The following CFAP54 variants were observed in gnomAD, a reference collection of about 807,000 sequenced individuals.
CFAP54 encodes cilia and flagella associated protein 54, also known as cilia- and flagella-associated protein 54.
A neutral mutation model predicts 370.4 loss-of-function variants in CFAP54; 290 were observed. The ratio of observed to expected loss-of-function variants is 0.78; its 90% confidence interval spans 0.71 to 0.86. The LOEUF is 0.86. Ranked by LOEUF, CFAP54 falls within the 40% of genes least tolerant of loss-of-function variation. The probability of loss-of-function intolerance (pLI) is 0.00; values close to 1 mark genes in which losing one functional copy is unlikely to be tolerated. For missense variants in CFAP54, 3,399 were observed against 3,528.7 expected (o/e 0.96, Z 0.93); for synonymous variants, 1,206 against 1,236.5 (o/e 0.98, Z 0.52).
At chr12:96,744,860 C>A (rs182573846) in intron 55 of CFAP54, among the ~76,000 whole-genome samples, 44 of 152,222 alleles carry the variant, frequency 2.9e-4, no homozygotes, top group African/African-American at 8.9e-4. Context: ...TGCTCTACCC[C>A]CCAGTAGGTC....
chr12:96,733,354 A>C (rs1049534449), intron 50 of CFAP54, among the ~76,000 whole-genome samples: 3 of 152,152 alleles, frequency 2.0e-5, no homozygotes, highest in Admixed American at 6.5e-5. Flanking sequence ...GATACTTCTA[A>C]TAAAATTATG....
chr12:96,626,881 G>T lies in CFAP54; in HGVS notation c.4045G>T (p.Glu1349Ter). Residue 1349 changes from glutamate (E) to a stop codon, truncating the protein, a stop_gained, in exon 30 of 68, where the codon GAG (glutamate) becomes TAG (stop). Coordinates refer to ENST00000524981, the MANE Select transcript of CFAP54 (RefSeq NM_001306084.2). LOFTEE classifies it high-confidence loss of function. ...FTQVMLKCMN[E>*]EKFHLMVEVT... is the part of the protein sequence containing the mutation. ...ACAAGTTATGCTAAAATGCATGAAT[G>T]AGGAAAAATTTCATCTTATGGTAGA... The T allele has an allele frequency of 7.0e-7, 1 of 1,432,230 alleles. No homozygotes were observed. Among genetic ancestry groups the T allele is most frequent in the South Asian group, 1.5e-5 (1 of 67,188 alleles). 88.7% of individuals were successfully genotyped at this position (1,432,230 alleles called of 1,614,324 possible). A position where few individuals can be genotyped will look rare whatever the true frequency, so the allele number is the denominator to read the frequency against.
chr12:96,743,513 G>A lies in CFAP54; in HGVS notation c.7331G>A (p.Gly2444Asp). 6.2e-7 allele frequency: 1 copy of A among 1,614,054 alleles called. No individual in the cohort carries two copies. The highest frequency in any genetic ancestry group is 8.5e-7 in the Non-Finnish European group (1 of 1,179,982). Residue 2444 changes from glycine (G) to aspartate (D), a missense_variant, in exon 53 of 68, where the codon GGC becomes GAC. Coordinates refer to ENST00000524981, the MANE Select transcript of CFAP54 (RefSeq NM_001306084.2). ...TTCTTGACGCAAGCTGTAATTCTTGGCCTACAAGAAAAGCATTTAAAGGCA... is the reference window on the plus strand; with the variant it reads ...TTCTTGACGCAAGCTGTAATTCTTGACCTACAAGAAAAGCATTTAAAGGCA... Reference protein sequence around the residue: ...AEFLTQAVILGLQEKHLKADI... With the variant: ...AEFLTQAVILDLQEKHLKADI...
chr12:96,608,709 G>A (rs538897983), intron 26 of CFAP54, among the ~76,000 whole-genome samples: 13 of 151,908 alleles, frequency 8.6e-5, no homozygotes, highest in African/African-American at 2.2e-4. Flanking sequence ...TCATTCACCC[G>A]CCACACCCTC....
chr12:96,524,935 C>T (rs922812606), intron 8 of CFAP54, among the ~76,000 whole-genome samples: 4 of 152,068 alleles, frequency 2.6e-5, no homozygotes, highest in Non-Finnish European at 5.9e-5. Flanking sequence ...TAAGTATTGA[C>T]ATCATCCACA....
chr12:96,528,230 G>GTT (rs149873147), intron 9 of CFAP54, among the ~76,000 whole-genome samples: 7 of 150,224 alleles, frequency 4.7e-5, no homozygotes, highest in African/African-American at 7.3e-5. Context: ...TTTGCTAAGT[G>GTT]TTTTTTTTTG....
At chr12:96,743,980 G>A (rs755819773) in intron 54 of CFAP54, 40 bp from the exon 55 acceptor site, 24 of 1,602,120 alleles carry the variant, frequency 1.5e-5, no homozygotes, top group African/African-American at 5.4e-5. Flanking sequence ...TCCAAACCAC[G>A]TCAACTAATT....
At chr12:96,637,797 T>C (rs1427829109) in intron 32 of CFAP54, among the ~76,000 whole-genome samples, 2 of 152,214 alleles carry the variant, frequency 1.3e-5, no homozygotes, top group Non-Finnish European at 2.9e-5. Flanking sequence ...GCATAACATT[T>C]TGATCAATGA....
intron 30 of CFAP54, among the ~76,000 whole-genome samples, chr12:96,629,271 A>G (rs567991411): frequency 8.5e-5 from 13 of 152,198 alleles, no homozygotes; most frequent in African/African-American, 2.9e-4. Flanking sequence ...TATAATATAC[A>G]ACATATTCTC....
At chr12:96,529,257 A>T (rs1955415274) in intron 9 of CFAP54, among the ~76,000 whole-genome samples, 1 of 152,272 alleles carries the variant, frequency 6.6e-6, no homozygotes, top group Admixed American at 6.5e-5. Flanking sequence ...CTTTATATAT[A>T]TGTTGATTAA....
chr12:96,826,404 A>T (rs1959103391), intron 65 of CFAP54, among the ~76,000 whole-genome samples: 1 of 131,606 alleles, frequency 7.6e-6, no homozygotes, highest in Non-Finnish European at 1.6e-5. Context: ...TATATTCAAT[A>T]TATATAACAA....
At chr12:96,576,477 A>T in intron 19 of CFAP54, 108 bp from the exon 20 acceptor site, 4 of 896,458 alleles carry the variant, frequency 4.5e-6, no homozygotes, top group Non-Finnish European at 6.4e-6. Context: ...GAGGCTTGAA[A>T]AACTGCATAT....
chr12:96,802,586 G>A (rs1958831793), intron 63 of CFAP54, among the ~76,000 whole-genome samples: 1 of 152,042 alleles, frequency 6.6e-6, no homozygotes, highest in African/African-American at 2.4e-5. Flanking sequence ...AGCTGCCTAG[G>A]GGCTTGAGAA....
rs1467459800 is a variant in CFAP54 at position 96,594,405 on chromosome 12, C to G, written c.3475C>G (p.Pro1159Ala). 3 of 1,533,632 alleles carry G rather than the reference C, an allele frequency of 2.0e-6. No individual in the cohort carries two copies. The highest frequency in any genetic ancestry group is 2.6e-6 in the Non-Finnish European group (3 of 1,145,138). ...AVTQCYGLLA[P>A]IIYHNIVLVP... is the part of the protein sequence containing the mutation. ...GACTCAATGTTATGGACTTCTTGCT[C>G]CCATAATTTATCACAATATTGTTTT... Residue 1159 changes from proline to alanine, a missense_variant, in exon 25 of 68, where the codon CCC (proline) becomes GCC (alanine). By Grantham distance (27) the Pro-to-Ala change is conservative. Transcript: ENST00000524981.
chr12:96,599,523 C>T (rs983401893), intron 26 of CFAP54, among the ~76,000 whole-genome samples: 1 of 152,112 alleles, frequency 6.6e-6, no homozygotes, highest in Admixed American at 6.6e-5. Flanking sequence ...GATATATACC[C>T]AATAATGGGA....
intron 13 of CFAP54, among the ~76,000 whole-genome samples, chr12:96,540,450 C>T (rs778069112): frequency 2.5e-4 from 38 of 152,074 alleles, no homozygotes; most frequent in Admixed American, 1.2e-3. Context: ...ACCTGCTTCC[C>T]CACTCATAAG....
At chr12:96,649,424 A>T (rs931686792) in intron 34 of CFAP54, among the ~76,000 whole-genome samples, 8 of 152,094 alleles carry the variant, frequency 5.3e-5, no homozygotes, top group African/African-American at 1.4e-4. Context: ...TCTAAGAGAA[A>T]GTTGGTGGCA....
intron 50 of CFAP54, among the ~76,000 whole-genome samples, chr12:96,739,435 A>G (rs1043427275): frequency 6.6e-6 from 1 of 152,302 alleles, no homozygotes; most frequent in Non-Finnish European, 1.5e-5. Context: ...GACAGAGTAC[A>G]TTTCCTTTCT....
intron 17 of CFAP54, among the ~76,000 whole-genome samples, chr12:96,563,236 A>T (rs1848964616): frequency 6.6e-6 from 1 of 152,180 alleles, no homozygotes; most frequent in East Asian, 1.9e-4. Context: ...TTCAGATGTA[A>T]ATGGAATTAG....
Sources: gnomAD v4.1 joint callset for allele counts (sites outside exome capture counted in the v4.1 genomes callset) on GRCh38, gnomAD v4.1.1 for gene constraint, MANE v1.5 for transcripts, NCBI Gene and HGNC (gene_info 2026-07-23, HGNC 2026-07-21) for gene names.